Variants in KAT6B observed in about 807,000 individuals in gnomAD.
KAT6B encodes histone acetyltransferase KAT6B.
KAT6B carries 10 observed loss-of-function variants against 187.5 expected under a neutral mutation model. That is an observed-to-expected ratio of 0.05 (90% CI 0.03 to 0.09). The LOEUF is 0.09. KAT6B is among the 10% of genes least tolerant of loss of function. The pLI, the probability that KAT6B is intolerant of heterozygous loss-of-function variation, is 1.00. For missense variants in KAT6B, 1,952 were observed against 2,558.9 expected (o/e 0.76, Z 5.12); for synonymous variants, 861 against 926.8 (o/e 0.93, Z 1.29).
Position 74,979,257 on chromosome 10 carries a change from G to A in KAT6B, c.2149G>A (p.Gly717Ser). The change falls in exon 10 of 18, where the codon GGC becomes AGC. Residue 717 changes from glycine (G) to serine (S), a missense_variant. Physicochemically the swap from Gly to Ser is moderately conservative, Grantham distance 56 (BLOSUM62 0). This residue lies in a region of KAT6B where 417 missense variants were observed against 508.9 expected (regional missense o/e 0.82). Coordinates refer to ENST00000287239, the MANE Select transcript of KAT6B (RefSeq NM_012330.4). Reference protein sequence around the residue: ...IECESGVEDCGRYPSVIEFGK... With the variant: ...IECESGVEDCSRYPSVIEFGK... ...GTGTGAGAGTGGGGTGGAAGACTGT[G>A]GCCGGTACCCTTCTGTGATTGAATT... 1.9e-6 allele frequency: 3 copies of A among 1,613,736 alleles called. No homozygotes were observed.
Position 75,025,200 on chromosome 10 carries a change from A to C in KAT6B, c.3615A>C (p.Glu1205Asp). 1 of 1,614,264 alleles carries C rather than the reference A, an allele frequency of 6.2e-7. No homozygotes were observed. Among genetic ancestry groups the C allele is most frequent in the Non-Finnish European group, 8.5e-7 (1 of 1,180,034 alleles). Residue 1205 changes from glutamate (E) to aspartate (D), a missense_variant, in exon 17 of 18, where the codon GAA becomes GAC. Physicochemically the swap from Glu to Asp is conservative, Grantham distance 45. Around this residue, in one of 9 missense-constraint regions of KAT6B, gnomAD observed 758 missense variants for 891.4 expected, o/e 0.85. Transcript: ENST00000287239. Reference sequence around the variant, plus strand: ...CTGGGAAGAAAAGACAAACAGAGGAAGAGGAAGGAAAAGACAATCATTGCT... The same window carrying C: ...CTGGGAAGAAAAGACAAACAGAGGACGAGGAAGGAAAAGACAATCATTGCT... Reference protein sequence around the residue: ...HQPGKKRQTEEEEGKDNHCFK... With the variant: ...HQPGKKRQTEDEEGKDNHCFK...
At chr10:75,001,966 C>G (rs1012902560) in intron 13 of KAT6B, among the ~76,000 whole-genome samples, 1 of 152,152 alleles carries the variant, frequency 6.6e-6, no homozygotes, top group Non-Finnish European at 1.5e-5. Flanking sequence ...ATCCCAGCCT[C>G]AAGGCCCTGG....
intron 12 of KAT6B, 125 bp from the exon 13 acceptor site, chr10:74,988,894 G>T: frequency 3.5e-5 from 26 of 738,744 alleles, no homozygotes; most frequent in East Asian, 5.2e-5. Context: ...GGATTTTTCT[G>T]CTTGATCCTG....
At chr10:74,871,359 AT>A (rs1346936740) in intron 3 of KAT6B, among the ~76,000 whole-genome samples, 1 of 147,446 alleles carries the variant, frequency 6.8e-6, no homozygotes, top group Non-Finnish European at 1.5e-5. Flanking sequence ...TACCCGGCTG[AT>A]TTTTGTATTT....
intron 3 of KAT6B, among the ~76,000 whole-genome samples, chr10:74,865,248 G>A (rs1277904229): frequency 6.6e-6 from 1 of 152,204 alleles, no homozygotes; most frequent in Non-Finnish European, 1.5e-5. Context: ...GCATATTACT[G>A]TATAGTTTGA....
intron 7 of KAT6B, among the ~76,000 whole-genome samples, chr10:74,974,199 T>A (rs1159197470): frequency 6.6e-6 from 1 of 152,200 alleles, no homozygotes; most frequent in Non-Finnish European, 1.5e-5. Context: ...GAATTGGTGG[T>A]GCCAGGCAGA....
At chr10:74,992,960 C>T (rs1843204553) in intron 13 of KAT6B, among the ~76,000 whole-genome samples, 1 of 152,126 alleles carries the variant, frequency 6.6e-6, no homozygotes, top group South Asian at 2.1e-4. Flanking sequence ...GAACGCATTC[C>T]TTCCTCTTGG....
chr10:75,010,665 C>T (rs1844537985), intron 13 of KAT6B, among the ~76,000 whole-genome samples: 1 of 152,100 alleles, frequency 6.6e-6, no homozygotes, highest in African/African-American at 2.4e-5. Flanking sequence ...TCTCCCAAAC[C>T]TGGTTCTGAA....
In KAT6B at chr10:75,032,479, A is replaced by C. The variant is rs1846377093; in HGVS notation, c.*1433A>C. 1 of 185,288 alleles carries C rather than the reference A, an allele frequency of 5.4e-6. No homozygotes were observed. Among genetic ancestry groups the C allele is most frequent in the South Asian group, 2.0e-4 (1 of 5,104 alleles). The allele number at this position is 185,288 out of a possible 1,614,324, so 11.5% of individuals were successfully genotyped here. A position where few individuals can be genotyped will look rare whatever the true frequency, so the allele number is the denominator to read the frequency against. On this transcript the variant is annotated 3_prime_UTR_variant, in exon 18 of 18. Transcript: ENST00000287239. ...TGGCAATAAATAAGAGTAATATCTAATAAAACCATCACATATACCAAATAC... is the reference window on the plus strand; with the variant it reads ...TGGCAATAAATAAGAGTAATATCTACTAAAACCATCACATATACCAAATAC...
chr10:74,854,643 G>T (rs2132215943), intron 3 of KAT6B, among the ~76,000 whole-genome samples: 1 of 152,064 alleles, frequency 6.6e-6, no homozygotes, highest in Admixed American at 6.6e-5. Flanking sequence ...TTGTTAATTT[G>T]ACAAGTGGGT....
chr10:74,996,829 T>C (rs987061003), intron 13 of KAT6B, among the ~76,000 whole-genome samples: 5 of 151,282 alleles, frequency 3.3e-5, no homozygotes, highest in Admixed American at 6.6e-5. Context: ...ATCTGATCTT[T>C]GGATGGTCAA....
chr10:74,940,269 AT>A (rs1362977416), intron 3 of KAT6B, among the ~76,000 whole-genome samples: 2 of 148,962 alleles, frequency 1.3e-5, no homozygotes, highest in African/African-American at 2.5e-5. Context: ...ACACTTACAT[AT>A]TTTTCCCCTT....
chr10:74,902,550 A>T (rs936346921), intron 3 of KAT6B, among the ~76,000 whole-genome samples: 19 of 152,226 alleles, frequency 1.2e-4, no homozygotes, highest in Non-Finnish European at 1.5e-5. Flanking sequence ...CGACTATTCA[A>T]ATAGCTAAAC....
intron 1 of KAT6B, among the ~76,000 whole-genome samples, chr10:74,831,335 T>G (rs1043197896): frequency 6.6e-6 from 1 of 152,204 alleles, no homozygotes; most frequent in African/African-American, 2.4e-5. Context: ...GTCAAATTTA[T>G]TGGTCTTTAC....
At chr10:74,965,216 C>T (rs965991925) in intron 4 of KAT6B, among the ~76,000 whole-genome samples, 3 of 152,220 alleles carry the variant, frequency 2.0e-5, no homozygotes, top group Non-Finnish European at 2.9e-5. Flanking sequence ...GGATATACCT[C>T]GTTCATCTCT....
At chr10:74,917,455 A>T (rs1231224312) in intron 3 of KAT6B, among the ~76,000 whole-genome samples, 2 of 152,192 alleles carry the variant, frequency 1.3e-5, no homozygotes, top group African/African-American at 4.8e-5. Context: ...ATTTCCTGCA[A>T]TCTATTAAAG....
intron 3 of KAT6B, among the ~76,000 whole-genome samples, chr10:74,905,480 G>A (rs1011528834): frequency 1.3e-5 from 2 of 152,184 alleles, no homozygotes; most frequent in Non-Finnish European, 2.9e-5. Context: ...CCAACCCTGG[G>A]CTTCTGCTGC....
intron 3 of KAT6B, among the ~76,000 whole-genome samples, chr10:74,851,594 G>A (rs1007483736): frequency 3.3e-5 from 5 of 152,092 alleles, no homozygotes; most frequent in African/African-American, 1.2e-4. Flanking sequence ...GCCTCCCAAA[G>A]TGCTGGGATT....
At chr10:74,966,793 A>C (rs1841504132) in intron 4 of KAT6B, among the ~76,000 whole-genome samples, 2 of 151,788 alleles carry the variant, frequency 1.3e-5, no homozygotes, top group African/African-American at 4.8e-5. Flanking sequence ...TTGGGAGGCC[A>C]AGGCTGGTGG....
Sources: allele counts gnomAD v4.1 joint callset (sites outside exome capture counted in the v4.1 genomes callset), GRCh38; gene constraint gnomAD v4.1.1; regional missense constraint gnomAD v4.1.1; transcripts MANE v1.5; gene names NCBI Gene and HGNC (gene_info 2026-07-23, HGNC 2026-07-21).